AP2A2: variants seen among roughly 807,000 people sequenced by gnomAD.
AP2A2 encodes adaptor related protein complex 2 subunit alpha 2.
A neutral mutation model predicts 104.2 loss-of-function variants in AP2A2; 32 were observed. The ratio of observed to expected loss-of-function variants is 0.31; its 90% CI spans 0.23 to 0.41. The LOEUF is 0.41. AP2A2 is among the 10% of genes least tolerant of loss of function. The pLI, the probability that AP2A2 is intolerant of heterozygous loss-of-function variation, is 1.00. For missense variants in AP2A2, 912 were observed against 1,261.0 expected (o/e 0.72, Z 4.19); for synonymous variants, 539 against 533.3 (o/e 1.01, Z -0.15).
At position 968,967 on chromosome 11, in the gene AP2A2, C is replaced by G. The variant is rs959141701; in HGVS notation, c.137-1202C>G. On this transcript the variant is annotated intron_variant, in intron 2 of 21. Coordinates refer to ENST00000448903, the MANE Select transcript of AP2A2 (RefSeq NM_012305.4). This position sits in a 1 kb window ranked among gnomAD's most constrained non-coding sequence, Gnocchi z 4.2. ...CCAGGAAATGTGGCCGGTCTGTATT[C>G]TACACAGTTGAGGTCGTCCGTGGAG... 6.6e-6 allele frequency among the ~76,000 whole-genome samples: 1 copy of G among 152,156 alleles called. No homozygotes were observed. The highest frequency in any genetic ancestry group is 1.5e-5 in the Non-Finnish European group (1 of 68,028).
Position 992,462 on chromosome 11 carries a change from T to C in AP2A2, c.1270-41T>C, listed in dbSNP as rs375719034. The C allele has an allele frequency of 6.5e-7, 1 of 1,549,870 alleles. No homozygotes were observed. Among genetic ancestry groups the C allele is most frequent in the African/African-American group, 1.4e-5 (1 of 73,160 alleles). ...CGACAGTTTGGTCTTGGGATTGCCA[T>C]GGCCTGCAGGTGCCGGCCCTCAGCA... On this transcript the variant is annotated intron_variant, in intron 10 of 21. Coordinates refer to ENST00000448903, the MANE Select transcript of AP2A2 (RefSeq NM_012305.4). The surrounding 1 kb of genome is among the most constrained non-coding windows in gnomAD (Gnocchi z 6.4).
At chr11:931,710 A>G (rs1307061898) in intron 1 of AP2A2, among the ~76,000 whole-genome samples, 2 of 152,062 alleles carry the variant, frequency 1.3e-5, no homozygotes, top group African/African-American at 4.8e-5. Context: ...AGAAAGTGAT[A>G]CAGTTTTGCT....
At chr11:996,725 G>A (rs1855869676) in intron 14 of AP2A2, among the ~76,000 whole-genome samples, 1 of 152,162 alleles carries the variant, frequency 6.6e-6, no homozygotes, top group Non-Finnish European at 1.5e-5. Flanking sequence ...TCCCCCTTCA[G>A]GGCTCATTCA....
intron 1 of AP2A2, among the ~76,000 whole-genome samples, chr11:948,783 C>T (rs1321469958): frequency 4.6e-5 from 7 of 151,980 alleles, no homozygotes; most frequent in Non-Finnish European, 2.9e-5. Context: ...AGGAGAATCT[C>T]TTGAACCCAG....
intron 4 of AP2A2, among the ~76,000 whole-genome samples, chr11:972,511 A>C (rs1854868963): frequency 6.6e-6 from 1 of 152,148 alleles, no homozygotes. Flanking sequence ...CCTGGGCAAC[A>C]TAGGGAGATC....
At chr11:987,060 G>A (rs1269751472) in intron 9 of AP2A2, 107 bp downstream of exon 9, 2 of 1,307,318 alleles carry the variant, frequency 1.5e-6, no homozygotes, top group East Asian at 2.5e-5. Context: ...CAGAGATGGA[G>A]GTGGTGCTGG....
At chr11:963,743 C>T (rs1854519757) in intron 2 of AP2A2, among the ~76,000 whole-genome samples, 1 of 152,226 alleles carries the variant, frequency 6.6e-6, no homozygotes, top group African/African-American at 2.4e-5. Context: ...CCACCTTGGC[C>T]TCCCAAGTAA....
intron 1 of AP2A2, among the ~76,000 whole-genome samples, chr11:945,813 GAA>G (rs927174182): frequency 4.6e-5 from 7 of 152,284 alleles, no homozygotes; most frequent in African/African-American, 1.4e-4. Flanking sequence ...AAAAGGAAAA[GAA>G]TGGTCATTTT....
At chr11:944,189 A>G (rs1429824470) in intron 1 of AP2A2, among the ~76,000 whole-genome samples, 2 of 152,194 alleles carry the variant, frequency 1.3e-5, no homozygotes, top group African/African-American at 4.8e-5. Context: ...TGCTGTAGAG[A>G]CTGACATGGC....
rs1853502764 is a variant in AP2A2, at chr11:937,631, G to A, written c.67+11543G>A. On this transcript the variant is annotated intron_variant, in intron 1 of 21. Coordinates refer to ENST00000448903, the MANE Select transcript of AP2A2 (RefSeq NM_012305.4). ...AAACACCACCACCAAATTCACATTAGCCTACAGTTGGGCAAAACCATCTAA... is the reference window on the plus strand; with the variant it reads ...AAACACCACCACCAAATTCACATTAACCTACAGTTGGGCAAAACCATCTAA... 2.6e-5 allele frequency among the ~76,000 whole-genome samples: 4 copies of A among 152,178 alleles called. No homozygotes were observed. The South Asian group carries it at 8.3e-4, about 32-fold the overall frequency.
intron 1 of AP2A2, among the ~76,000 whole-genome samples, chr11:934,621 A>G (rs768899680): frequency 3.9e-5 from 6 of 152,132 alleles, no homozygotes; most frequent in African/African-American, 4.8e-5. Context: ...GTAGAGACCA[A>G]CAGCCAACAT....
rs750808260 is a variant in AP2A2, at chr11:988,563, C to T, written c.1143C>T (p.Asp381=). The T allele has an allele frequency of 1.2e-5, 19 of 1,611,544 alleles. No individual in the cohort carries two copies. The East Asian group carries it at 2.2e-4, about 19-fold the overall frequency. Residue 381 remains aspartate (D), a synonymous_variant, in exon 10 of 22, where the codon GAC becomes GAT. Coordinates refer to ENST00000448903, the MANE Select transcript of AP2A2 (RefSeq NM_012305.4). Reference sequence around the variant, plus strand: ...GCCTTGTTCCCCAGACTGAGCGGGACGTGAGCGTGCGGCAGCGGGCCGTGG... The same window carrying T: ...GCCTTGTTCCCCAGACTGAGCGGGATGTGAGCGTGCGGCAGCGGGCCGTGG... ...TVINALKTER[D]VSVRQRAVDL...
rs765985458 is a variant in AP2A2, at chr11:984,647, C to T, written c.708C>T (p.Ile236=). Residue 236 remains isoleucine (I), a splice_region_variant and synonymous_variant, in exon 7 of 22, where the codon ATC becomes ATT. Coordinates refer to ENST00000448903, the MANE Select transcript of AP2A2 (RefSeq NM_012305.4). The stretch of plus-strand genomic sequence containing the variant: ...TCATTGCCTGTGCTGTCTTACAGAT[C>T]GTGACGTCTGCATCCACAGATCTCC... ...VSLAVSRLSR[I]VTSASTDLQD... 14 of 1,610,326 alleles carry T rather than the reference C, an allele frequency of 8.7e-6. No individual in the cohort carries two copies. The highest frequency in any genetic ancestry group is 1.2e-5 in the Non-Finnish European group (14 of 1,177,008).
intron 14 of AP2A2, among the ~76,000 whole-genome samples, chr11:994,870 T>C (rs61867646): frequency 0.071 from 1,910 of 27,042 alleles, no homozygotes; most frequent in African/African-American, 0.08. Context: ...CTGCACACCC[T>C]GCTGGCCTGT....
intron 1 of AP2A2, among the ~76,000 whole-genome samples, chr11:932,374 G>T (rs1390384576): frequency 6.6e-6 from 1 of 152,194 alleles, no homozygotes; most frequent in Non-Finnish European, 1.5e-5. Flanking sequence ...TGGAGAAACT[G>T]AACACTAAAT....
intron 9 of AP2A2, among the ~76,000 whole-genome samples, chr11:987,513 G>C (rs543312446): frequency 6.6e-6 from 1 of 152,086 alleles, no homozygotes; most frequent in Non-Finnish European, 1.5e-5. Context: ...TTAGCCGGGC[G>C]TGGTGGCGGC....
At chr11:988,878 C>T in intron 10 of AP2A2, 189 bp downstream of exon 10, 1 of 735,288 alleles carries the variant, frequency 1.4e-6, no homozygotes, top group Non-Finnish European at 2.2e-6. Flanking sequence ...ACCTGTGGTC[C>T]CCGCTACTCC....
In AP2A2 at chr11:984,662, C is replaced by T. The variant is rs1855388120; in HGVS notation, c.723C>T (p.Ser241=). ...SRLSRIVTSA[S]TDLQDYTYYF... ...TCTTACAGATCGTGACGTCTGCATC[C>T]ACAGATCTCCAGGATTACACTTACT... The change falls in exon 7 of 22, where the codon TCC becomes TCT. Residue 241 remains serine, a synonymous_variant. Transcript: ENST00000448903. 6.2e-7 allele frequency: 1 copy of T among 1,612,840 alleles called. No individual in the cohort carries two copies.
At chr11:955,409 TG>T (rs767858979) in intron 1 of AP2A2, among the ~76,000 whole-genome samples, 144 of 152,362 alleles carry the variant, frequency 9.5e-4, no homozygotes, top group Non-Finnish European at 1.9e-3. Flanking sequence ...CCTGCTGTCC[TG>T]CTTTCTTGTG....
Sources: gnomAD v4.1 joint callset for allele counts (sites outside exome capture counted in the v4.1 genomes callset) on GRCh38, gnomAD v4.1.1 for gene constraint, Gnocchi (gnomAD v3.1) non-coding constraint, MANE v1.5 for transcripts, NCBI Gene and HGNC (gene_info 2026-07-23, HGNC 2026-07-21) for gene names.